The following TACR1 variants were observed in gnomAD, a reference collection of about 807,000 sequenced individuals.
TACR1 encodes tachykinin receptor 1, also known as substance-P receptor.
Under a neutral mutation model 35.8 loss-of-function variants are expected in TACR1, and 25 were observed. The ratio of observed to expected loss-of-function variants is 0.70; its 90% CI spans 0.51 to 0.98. The LOEUF (loss-of-function observed/expected upper bound fraction) is 0.98. Among genes scored for constraint, TACR1 ranks in the 50% least tolerant of loss-of-function variants. The probability of loss-of-function intolerance (pLI) is 0.00; values close to 1 mark genes in which losing one functional copy is unlikely to be tolerated. For synonymous variants in TACR1, 195 were observed against 206.7 expected, an observed-to-expected ratio of 0.94 and a Z score of 0.48; for missense variants, 478 against 522.9, an observed-to-expected ratio of 0.91 and a Z score of 0.84.
intron 1 of TACR1, among the ~76,000 whole-genome samples, chr2:75,145,883 T>C (rs939887159): frequency 6.6e-6 from 1 of 152,052 alleles, no homozygotes; most frequent in Admixed American, 6.6e-5. Context: ...TTGAATTCCG[T>C]AGGGAGATTT....
intron 2 of TACR1, among the ~76,000 whole-genome samples, chr2:75,090,562 A>G (rs1346269077): frequency 6.6e-6 from 1 of 152,164 alleles, no homozygotes; most frequent in East Asian, 1.9e-4. Context: ...TCAAGCAAAA[A>G]ATGTTTAAAT....
chr2:75,099,892 G>T (rs1170762527), intron 2 of TACR1, among the ~76,000 whole-genome samples: 1 of 152,114 alleles, frequency 6.6e-6, no homozygotes, highest in Non-Finnish European at 1.5e-5. Flanking sequence ...CCATACCTCA[G>T]ACCTCACAGA....
intron 1 of TACR1, among the ~76,000 whole-genome samples, chr2:75,186,371 CAAAAAAAAAA>C (rs373147504): frequency 1.2e-5 from 1 of 81,828 alleles, no homozygotes; most frequent in African/African-American, 4.7e-5. Context: ...GACTCTGTCT[CAAAAAAAAAA>C]AAAAAAAAAA....
At chr2:75,088,848 C>A (rs1171827593) in intron 2 of TACR1, among the ~76,000 whole-genome samples, 1 of 152,080 alleles carries the variant, frequency 6.6e-6, no homozygotes, top group Non-Finnish European at 1.5e-5. Flanking sequence ...CCTGCAATTT[C>A]CTTCTCTCTA....
At chr2:75,115,798 T>G (rs1421890874) in intron 2 of TACR1, among the ~76,000 whole-genome samples, 1 of 148,758 alleles carries the variant, frequency 6.7e-6, no homozygotes, top group Non-Finnish European at 1.5e-5. Flanking sequence ...TCCCAGCTAC[T>G]CTGGAGGCTG....
intron 2 of TACR1, among the ~76,000 whole-genome samples, chr2:75,057,289 G>A (rs1230392832): frequency 2.6e-5 from 4 of 151,692 alleles, no homozygotes; most frequent in Non-Finnish European, 5.9e-5. Context: ...TGTGTCCCCC[G>A]CCCCTGCCCA....
intron 1 of TACR1, among the ~76,000 whole-genome samples, chr2:75,178,185 CTCTT>C (rs1296586330): frequency 1.3e-5 from 2 of 151,684 alleles, no homozygotes; most frequent in Admixed American, 6.6e-5. Flanking sequence ...TTCAATTTCT[CTCTT>C]TTTTTTTTTT....
intron 2 of TACR1, among the ~76,000 whole-genome samples, chr2:75,079,785 A>C (rs896974797): frequency 7.9e-6 from 1 of 125,910 alleles, no homozygotes; most frequent in Non-Finnish European, 1.6e-5. Flanking sequence ...AGTCATTTCC[A>C]TTCATCCTCT....
chr2:75,121,898 G>A (rs1200513858), intron 1 of TACR1, among the ~76,000 whole-genome samples: 1 of 152,172 alleles, frequency 6.6e-6, no homozygotes, highest in Non-Finnish European at 1.5e-5. Context: ...AAGAGTAGCA[G>A]AGCTGTCAGC....
At chr2:75,124,756 A>C (rs773159823) in intron 1 of TACR1, among the ~76,000 whole-genome samples, 1 of 152,240 alleles carries the variant, frequency 6.6e-6, no homozygotes, top group Non-Finnish European at 1.5e-5. Context: ...GGTAGGCTGC[A>C]TTTGGTCCCT....
intron 2 of TACR1, among the ~76,000 whole-genome samples, chr2:75,062,259 C>G (rs925784348): frequency 3.3e-5 from 5 of 152,044 alleles, no homozygotes; most frequent in African/African-American, 1.2e-4. Flanking sequence ...ACTATATACT[C>G]ATCGTCGATT....
At chr2:75,050,919 C>G in intron 4 of TACR1, 1 of 342,528 alleles carries the variant, frequency 2.9e-6, no homozygotes, top group Admixed American at 4.3e-5. Flanking sequence ...GAGCCTGGAT[C>G]CAGCTTGCAG....
At chr2:75,154,416 A>C (rs78720137) in intron 1 of TACR1, 1 of 78,878 alleles carries the variant, frequency 1.3e-5, no homozygotes, top group Non-Finnish European at 2.6e-5. Flanking sequence ...GCACGCACAC[A>C]CACACACACA....
At chr2:75,128,870 A>C (rs996045177) in intron 1 of TACR1, among the ~76,000 whole-genome samples, 4 of 152,298 alleles carry the variant, frequency 2.6e-5, no homozygotes, top group Admixed American at 2.0e-4. Context: ...CTGTGCTGAC[A>C]TGTATAAGAC....
chr2:75,051,507 CCT>C lies in TACR1; in HGVS notation c.736-62_736-61del, dbSNP rs1672470462. On this transcript the variant is annotated intron_variant, in intron 3 of 4. Coordinates refer to ENST00000305249, the MANE Select transcript of TACR1 (RefSeq NM_001058.4). ...ACATCCCCCTCTCTCACGGCTGCTT[CCT>C]CTCTCCTCCCACGCCCTCACTGTGC... 4.4e-6 allele frequency: 7 copies of C among 1,596,628 alleles called. 1 individual carries two copies. In the South Asian group the frequency reaches 5.6e-5, roughly 13 times the overall value.
At chr2:75,142,570 T>G (rs1285289658) in intron 1 of TACR1, among the ~76,000 whole-genome samples, 1 of 152,142 alleles carries the variant, frequency 6.6e-6, no homozygotes, top group Admixed American at 6.5e-5. Flanking sequence ...TGAACACATT[T>G]TTGAGTGCCA....
chr2:75,111,819 G>T (rs1673754558), intron 2 of TACR1, among the ~76,000 whole-genome samples: 1 of 151,936 alleles, frequency 6.6e-6, no homozygotes, highest in Non-Finnish European at 1.5e-5. Flanking sequence ...ACCAAGAATG[G>T]TGGTTGTCCA....
intron 1 of TACR1, chr2:75,189,342 A>T (rs1675788784): frequency 6.6e-6 from 1 of 152,230 alleles, no homozygotes. Flanking sequence ...CTTACAGAGA[A>T]GATGATTCTG....
intron 1 of TACR1, among the ~76,000 whole-genome samples, chr2:75,181,664 G>T (rs1324146694): frequency 1.3e-5 from 2 of 151,258 alleles, no homozygotes; most frequent in African/African-American, 2.5e-5. Flanking sequence ...TTAATAGTTG[G>T]GGTGGTAATG....
Sources: gnomAD v4.1 joint callset for allele counts (sites outside exome capture counted in the v4.1 genomes callset) on GRCh38, gnomAD v4.1.1 for gene constraint, MANE v1.5 for transcripts, NCBI Gene and HGNC (gene_info 2026-07-23, HGNC 2026-07-21) for gene names.